ACBD3: variants seen among roughly 807,000 people sequenced by gnomAD.
The protein encoded by ACBD3 is acyl-CoA binding domain containing 3, also known as Golgi resident protein GCP60.
A neutral mutation model predicts 66.9 loss-of-function variants in ACBD3; 30 were observed. The observed-to-expected ratio is 0.45, with a 90% CI of 0.34 to 0.61. The LOEUF is 0.61. Among genes scored for constraint, ACBD3 ranks in the 20% least tolerant of loss-of-function variants. The probability of loss-of-function intolerance (pLI) is 0.02; values close to 1 mark genes in which losing one functional copy is unlikely to be tolerated. For synonymous variants in ACBD3, 278 were observed against 259.8 expected (o/e 1.07, Z -0.68); for missense variants, 544 against 664.5 (o/e 0.82, Z 1.99).
At chr1:226,182,036 G>T (rs945926720) in intron 1 of ACBD3, among the ~76,000 whole-genome samples, 2 of 151,884 alleles carry the variant, frequency 1.3e-5, no homozygotes, top group Admixed American at 6.6e-5. Flanking sequence ...CTAAAGACCA[G>T]CTGGGCAACA....
chr1:226,159,846 G>A (rs754451399), intron 4 of ACBD3, among the ~76,000 whole-genome samples: 1 of 152,170 alleles, frequency 6.6e-6, no homozygotes, highest in Non-Finnish European at 1.5e-5. Flanking sequence ...TGTCATCTCT[G>A]ACATAGATGA....
chr1:226,183,068 T>C (rs918061829), intron 1 of ACBD3, among the ~76,000 whole-genome samples: 2 of 152,216 alleles, frequency 1.3e-5, no homozygotes, highest in Admixed American at 6.5e-5. Flanking sequence ...GAATAAGAAA[T>C]AGGGCTTGTC....
intron 1 of ACBD3, among the ~76,000 whole-genome samples, chr1:226,182,033 C>A (rs1477144341): frequency 6.6e-6 from 1 of 151,726 alleles, no homozygotes; most frequent in Non-Finnish European, 1.5e-5. Flanking sequence ...GAGCTAAAGA[C>A]CAGCTGGGCA....
rs145831627 is a variant in ACBD3 at position 226,161,567 on chromosome 1, C to T, written c.692G>A (p.Arg231Gln). The change falls in exon 4 of 8, where the codon CGG becomes CAG. Residue 231 changes from arginine (R) to glutamine (Q), a missense_variant. Coordinates refer to ENST00000366812, the MANE Select transcript of ACBD3 (RefSeq NM_022735.4). The stretch of plus-strand genomic sequence containing the variant: ...CAACCGAAGCCTTTCTTCTTCTATC[C>T]GTCTCCTTTCCTCTTCCTCCCGTCG... ...RLRREEEERR[R>Q]IEEERLRLEQ... is the part of the protein sequence containing the mutation. 6.8e-4 allele frequency: 1,104 copies of T among 1,613,912 alleles called. 13 individuals carry two copies. The East Asian group carries it at 0.019, about 28-fold the overall frequency.
intron 1 of ACBD3, among the ~76,000 whole-genome samples, chr1:226,178,093 T>A (rs886558136): frequency 6.6e-6 from 1 of 151,958 alleles, no homozygotes; most frequent in African/African-American, 2.4e-5. Flanking sequence ...AATAGGAAAC[T>A]AACATGATAT....
At chr1:226,153,629 C>T (rs1032773457) in intron 6 of ACBD3, among the ~76,000 whole-genome samples, 2 of 152,166 alleles carry the variant, frequency 1.3e-5, no homozygotes, top group African/African-American at 4.8e-5. Flanking sequence ...TTTTGCCTCA[C>T]CACTGTACTC....
intron 2 of ACBD3, 147 bp downstream of exon 2, chr1:226,165,712 T>C (rs1428816774): frequency 1.3e-5 from 10 of 773,938 alleles, no homozygotes; most frequent in African/African-American, 3.6e-5. Context: ...AACAGATAAA[T>C]ATCTGAAGAC....
In ACBD3 at chr1:226,179,583, C is replaced by G. The variant is rs142109079; in HGVS notation, c.286+6807G>C. On this transcript the variant is annotated intron_variant, in intron 1 of 7. Coordinates refer to ENST00000366812, the MANE Select transcript of ACBD3 (RefSeq NM_022735.4). Reference sequence around the variant, plus strand: ...TTAGAAATATTAAAACTGGGCCAGGCGTGGTGGTTCACGCCTGTAATCCCA... The same window carrying G: ...TTAGAAATATTAAAACTGGGCCAGGGGTGGTGGTTCACGCCTGTAATCCCA... 2.3e-3 allele frequency among the ~76,000 whole-genome samples: 343 copies of G among 152,278 alleles called. 1 individual carries two copies. Among genetic ancestry groups the G allele is most frequent in the Non-Finnish European group, 3.4e-3 (228 of 68,022 alleles).
chr1:226,164,522 T>C (rs777623951), intron 3 of ACBD3, among the ~76,000 whole-genome samples: 4 of 152,068 alleles, frequency 2.6e-5, no homozygotes, highest in Admixed American at 6.6e-5. Flanking sequence ...TTCAGAAACT[T>C]AGTGTAATAA....
At chr1:226,178,955 G>A (rs1656114619) in intron 1 of ACBD3, among the ~76,000 whole-genome samples, 1 of 152,068 alleles carries the variant, frequency 6.6e-6, no homozygotes, top group Admixed American at 6.6e-5. Flanking sequence ...TTTATTTCCT[G>A]TCCTCAGCAT....
In ACBD3 at chr1:226,167,860, A is replaced by G. The variant is rs544041715; in HGVS notation, c.287-1860T>C. On this transcript the variant is annotated intron_variant, in intron 1 of 7. Coordinates refer to ENST00000366812, the MANE Select transcript of ACBD3 (RefSeq NM_022735.4). ...CCCACTAGTCAAGAAATATAAATTA[A>G]AAGCATTAGATACCAAGACCCCCAC... Among the ~76,000 whole-genome samples the G allele has an allele frequency of 9.8e-5, 15 of 152,308 alleles. No homozygotes were observed. The East Asian group carries it at 2.7e-3, about 27-fold the overall frequency.
At chr1:226,156,343 A>G (rs1000095051) in intron 5 of ACBD3, among the ~76,000 whole-genome samples, 2 of 152,236 alleles carry the variant, frequency 1.3e-5, no homozygotes, top group Non-Finnish European at 2.9e-5. Flanking sequence ...TAGAGTCACA[A>G]GTAATTGTAT....
At chr1:226,163,576 A>G (rs1440598502) in intron 3 of ACBD3, among the ~76,000 whole-genome samples, 2 of 152,238 alleles carry the variant, frequency 1.3e-5, no homozygotes, top group Non-Finnish European at 2.9e-5. Context: ...AAATAGGAAT[A>G]AATCATATCT....
At chr1:226,180,049 T>A (rs1315218366) in intron 1 of ACBD3, among the ~76,000 whole-genome samples, 2 of 151,398 alleles carry the variant, frequency 1.3e-5, no homozygotes, top group African/African-American at 4.9e-5. Flanking sequence ...CACGTGCCTG[T>A]AGTCCCAGCT....
At chr1:226,178,397 C>T (rs1046651644) in intron 1 of ACBD3, among the ~76,000 whole-genome samples, 2 of 151,466 alleles carry the variant, frequency 1.3e-5, no homozygotes, top group Admixed American at 6.6e-5. Context: ...GGTAAAACCC[C>T]GTCTCTACTA....
chr1:226,181,612 C>T (rs1408332636), intron 1 of ACBD3, among the ~76,000 whole-genome samples: 2 of 152,100 alleles, frequency 1.3e-5, no homozygotes, highest in African/African-American at 4.8e-5. Flanking sequence ...TACAGAAGGC[C>T]TCTTGGAGGA....
chr1:226,162,654 A>G (rs978829185), intron 3 of ACBD3, among the ~76,000 whole-genome samples: 1 of 152,154 alleles, frequency 6.6e-6, no homozygotes, highest in Non-Finnish European at 1.5e-5. Context: ...AAGATTTCTA[A>G]GGAGTATCAG....
chr1:226,180,501 T>C (rs1487072258), intron 1 of ACBD3, among the ~76,000 whole-genome samples: 2 of 152,166 alleles, frequency 1.3e-5, no homozygotes, highest in Admixed American at 6.5e-5. Context: ...CTAAAGAGTG[T>C]TGACTCCAGA....
At chr1:226,178,574 CAAAAA>C (rs57231361) in intron 1 of ACBD3, among the ~76,000 whole-genome samples, 5 of 83,624 alleles carry the variant, frequency 6.0e-5, no homozygotes, top group Admixed American at 1.5e-4. Flanking sequence ...GACTCCGTCT[CAAAAA>C]AAAAAAAAAA....
Sources: allele counts gnomAD v4.1 joint callset (sites outside exome capture counted in the v4.1 genomes callset), GRCh38; gene constraint gnomAD v4.1.1; transcripts MANE v1.5; gene names NCBI Gene and HGNC (gene_info 2026-07-23, HGNC 2026-07-21).